The following DPP10 variants were observed in gnomAD, a reference collection of about 807,000 sequenced individuals.
DPP10 encodes the protein dipeptidyl peptidase like 10, also known as inactive dipeptidyl peptidase 10.
In DPP10, 33 loss-of-function variants were observed where a neutral mutation model predicts 120.9. The observed-to-expected ratio is 0.27, with a 90% CI of 0.21 to 0.37. The LOEUF is 0.37. Among genes scored for constraint, DPP10 ranks in the 10% least tolerant of loss-of-function variants. The probability of loss-of-function intolerance (pLI) is 1.00; values close to 1 mark genes in which losing one functional copy is unlikely to be tolerated. For synonymous variants in DPP10, 337 were observed against 326.1 expected (o/e 1.03, Z -0.36); for missense variants, 816 against 942.8 (o/e 0.87, Z 1.76).
chr2:115,634,777 G>A (rs1387738060), intron 5 of DPP10, among the ~76,000 whole-genome samples: 1 of 152,296 alleles, frequency 6.6e-6, no homozygotes, highest in Non-Finnish European at 1.5e-5. Context: ...AATCCCACTT[G>A]TCTAGACTGC....
At chr2:114,779,713 A>G (rs761030544) in intron 1 of DPP10, among the ~76,000 whole-genome samples, 48 of 152,176 alleles carry the variant, frequency 3.2e-4, no homozygotes, top group Admixed American at 1.3e-3. Context: ...ACCTTGCGCT[A>G]AAGTAACCTG....
chr2:115,756,937 T>C (rs1445389553), intron 11 of DPP10, among the ~76,000 whole-genome samples: 1 of 152,144 alleles, frequency 6.6e-6, no homozygotes, highest in African/African-American at 2.4e-5. Flanking sequence ...AGCCCACTCC[T>C]GTGATAACAA....
intron 3 of DPP10, among the ~76,000 whole-genome samples, chr2:115,349,246 A>T (rs1054296983): frequency 3.3e-5 from 5 of 152,150 alleles, no homozygotes; most frequent in African/African-American, 4.8e-5. Flanking sequence ...AGATATTTTA[A>T]CCTGCTGTCT....
chr2:115,777,675 C>T, intron 14 of DPP10, 112 bp from the exon 15 acceptor site: 2 of 1,116,628 alleles, frequency 1.8e-6, no homozygotes, highest in Non-Finnish European at 1.3e-6. Context: ...TGTGAAAATT[C>T]AGGTGAAGAT....
At chr2:115,337,510 C>T (rs901833014) in intron 2 of DPP10, among the ~76,000 whole-genome samples, 1 of 151,658 alleles carries the variant, frequency 6.6e-6, no homozygotes, top group African/African-American at 2.4e-5. Flanking sequence ...TTACTAGTTA[C>T]GTGGTCTTTG....
At chr2:114,812,481 AG>A (rs1685258067) in intron 1 of DPP10, among the ~76,000 whole-genome samples, 3 of 151,886 alleles carry the variant, frequency 2.0e-5, no homozygotes, top group Admixed American at 2.0e-4. Context: ...CCAGCTACTC[AG>A]GATGCTAAGG....
At chr2:115,140,359 G>A (rs2104836915) in intron 1 of DPP10, among the ~76,000 whole-genome samples, 1 of 152,268 alleles carries the variant, frequency 6.6e-6, no homozygotes, top group Non-Finnish European at 1.5e-5. Flanking sequence ...GGCAGCAAGT[G>A]AGGCTGCAGG....
intron 3 of DPP10, among the ~76,000 whole-genome samples, chr2:115,421,772 G>A (rs563784638): frequency 7.5e-5 from 11 of 147,634 alleles, no homozygotes; most frequent in African/African-American, 2.7e-4. Flanking sequence ...TCAGGAGGCT[G>A]AGGCAGGAGA....
chr2:114,910,011 T>A (rs1390043483), intron 1 of DPP10, among the ~76,000 whole-genome samples: 1 of 151,794 alleles, frequency 6.6e-6, no homozygotes, highest in Admixed American at 6.6e-5. Context: ...TATATCTATA[T>A]ATAAACATGT....
chr2:115,777,810 C>T lies in DPP10; in HGVS notation c.1337C>T (p.Ser446Phe), dbSNP rs747267752. 1 of 1,613,286 alleles carries T rather than the reference C, an allele frequency of 6.2e-7. No individual in the cohort carries two copies. Among genetic ancestry groups the T allele is most frequent in the South Asian group, 1.1e-5 (1 of 91,056 alleles). ...AGTTACTTTCTGAGCACTGAATCTT[C>T]TCCCAGAGGAAGGCAGCTGTACAGG... ...QKIYFLSTES[S>F]PRGRQLYSAS... The change falls in exon 15 of 26, where the codon TCT becomes TTT. Residue 446 changes from serine to phenylalanine, a missense_variant. By Grantham distance (155) the Ser-to-Phe change is radical. Around this residue, in one of 3 missense-constraint regions of DPP10, gnomAD observed 592 missense variants for 649.0 expected, o/e 0.91. Transcript: ENST00000410059.
At chr2:115,155,992 C>T (rs1357599366) in intron 1 of DPP10, among the ~76,000 whole-genome samples, 1 of 152,018 alleles carries the variant, frequency 6.6e-6, no homozygotes, top group Non-Finnish European at 1.5e-5. Context: ...TTTAGATATG[C>T]AGGATAGAAA....
intron 17 of DPP10, among the ~76,000 whole-genome samples, chr2:115,784,256 C>T (rs1268183137): frequency 6.6e-6 from 1 of 151,824 alleles, no homozygotes; most frequent in Admixed American, 6.6e-5. Context: ...ATCTTTGGGT[C>T]AATGAAAGCA....
chr2:115,309,159 C>A, intron 1 of DPP10, 80 bp from the exon 2 acceptor site: 1 of 1,046,108 alleles, frequency 9.6e-7, no homozygotes, highest in Non-Finnish European at 1.4e-6. Flanking sequence ...GTGATTGTGC[C>A]ATGCACTGAA....
Position 114,758,411 on chromosome 2 carries a change from G to A in DPP10, c.60+315573G>A, listed in dbSNP as rs1340429588. ...GAAGTCTTTATTTGAGAAGCATTCC[G>A]ATCTGAGGGTTTTTTCCCTCGTCTA... is the stretch of plus-strand genomic sequence containing the variant. On this transcript the variant is annotated intron_variant, in intron 1 of 25. Transcript: ENST00000410059. 2.0e-5 allele frequency among the ~76,000 whole-genome samples: 3 copies of A among 152,126 alleles called. No individual in the cohort carries two copies. In the East Asian group the frequency reaches 5.8e-4, roughly 29 times the overall value.
At chr2:115,299,085 C>T (rs1416400674) in intron 1 of DPP10, among the ~76,000 whole-genome samples, 5 of 151,946 alleles carry the variant, frequency 3.3e-5, no homozygotes, top group Non-Finnish European at 7.4e-5. Flanking sequence ...GATTGTCTGT[C>T]TGAATAATGT....
rs1183012770 is a variant in DPP10 at position 115,768,225 on chromosome 2, G to GA, written c.1114-70dup. 7 of 1,300,556 alleles carry GA rather than the reference G, an allele frequency of 5.4e-6. No homozygotes were observed. The Admixed American group carries it at 1.3e-4, about 25-fold the overall frequency. 80.6% of individuals were successfully genotyped at this position (1,300,556 alleles called of 1,614,324 possible). ...TCAATATTTGGTATAACCCATGCAG[G>GA]AATTAACAGTAGTAGGCAGCACAGA... On this transcript the variant is annotated intron_variant, in intron 12 of 25. Transcript: ENST00000410059.
chr2:115,612,665 A>G (rs776259889), intron 5 of DPP10, among the ~76,000 whole-genome samples: 7 of 152,098 alleles, frequency 4.6e-5, no homozygotes, highest in Non-Finnish European at 8.8e-5. Context: ...CTTCTTAGCT[A>G]TTATGTTCCT....
rs61298464 is a variant in DPP10, at chr2:115,180,015, A to AT, written c.61-129218dup. On this transcript the variant is annotated intron_variant, in intron 1 of 25. Transcript: ENST00000410059. Reference sequence around the variant, plus strand: ...TCTGAAAAATTTTAAAGAAAAATCAATTTTTTACAATACACCTGCTGAATT... The same window carrying AT: ...TCTGAAAAATTTTAAAGAAAAATCAATTTTTTTACAATACACCTGCTGAATT... Among the ~76,000 whole-genome samples the AT allele has an allele frequency of 0.013, 2,045 of 152,266 alleles. 100 individuals carry two copies. The East Asian group carries it at 0.16, about 12-fold the overall frequency.
At chr2:115,022,470 A>G (rs1703146390) in intron 1 of DPP10, among the ~76,000 whole-genome samples, 1 of 151,876 alleles carries the variant, frequency 6.6e-6, no homozygotes, top group Admixed American at 6.6e-5. Context: ...GTGAAAGAAC[A>G]ACAACAAAAC....
Sources: gnomAD v4.1 joint callset for allele counts (sites outside exome capture counted in the v4.1 genomes callset) on GRCh38, gnomAD v4.1.1 for gene constraint, gnomAD v4.1.1 regional missense constraint, MANE v1.5 for transcripts, NCBI Gene and HGNC (gene_info 2026-07-23, HGNC 2026-07-21) for gene names.